Variants in PARD3 observed in about 807,000 individuals in gnomAD.
PARD3 encodes the protein partitioning defective 3 homolog.
In PARD3, 75 loss-of-function variants were observed where a neutral mutation model predicts 155.4. The observed-to-expected ratio is 0.48, with a 90% confidence interval of 0.40 to 0.58. The LOEUF is 0.58. Among genes scored for constraint, PARD3 ranks in the 20% least tolerant of loss-of-function variants. The pLI, the probability that PARD3 is intolerant of heterozygous loss-of-function variation, is 0.00. For missense variants in PARD3, 1,642 were observed against 1,721.7 expected, an observed-to-expected ratio of 0.95 and a Z score of 0.82; for synonymous variants, 576 against 610.5, an observed-to-expected ratio of 0.94 and a Z score of 0.83.
intron 5 of PARD3, among the ~76,000 whole-genome samples, chr10:34,435,533 A>G (rs1465621674): frequency 6.6e-6 from 1 of 152,214 alleles, no homozygotes; most frequent in East Asian, 1.9e-4. Context: ...TGAGACACTA[A>G]TATCTGTTGA....
At chr10:34,752,034 C>T (rs1001539378) in intron 1 of PARD3, among the ~76,000 whole-genome samples, 1 of 151,986 alleles carries the variant, frequency 6.6e-6, no homozygotes, top group Non-Finnish European at 1.5e-5. Flanking sequence ...GTTGGTTGTA[C>T]ATCTAAGACA....
intron 22 of PARD3, among the ~76,000 whole-genome samples, chr10:34,187,877 C>T (rs543715496): frequency 2.6e-4 from 40 of 152,268 alleles, no homozygotes; most frequent in Non-Finnish European, 4.6e-4. Context: ...CTAAGATGAA[C>T]GATATACTAT....
chr10:34,298,224 T>C (rs572791876), intron 20 of PARD3, among the ~76,000 whole-genome samples: 2 of 152,224 alleles, frequency 1.3e-5, no homozygotes, highest in Non-Finnish European at 2.9e-5. Flanking sequence ...TGAGTGGCAC[T>C]TCTGGAAAAG....
intron 22 of PARD3, among the ~76,000 whole-genome samples, chr10:34,202,991 T>C (rs1450883733): frequency 6.6e-6 from 1 of 152,112 alleles, no homozygotes; most frequent in East Asian, 1.9e-4. Context: ...TTCACTGAGG[T>C]CTGCACTTGA....
At chr10:34,605,998 TATATATATATATCTC>T in intron 2 of PARD3, among the ~76,000 whole-genome samples, 1 of 62,474 alleles carries the variant, frequency 1.6e-5, no homozygotes, top group Non-Finnish European at 3.3e-5. Flanking sequence ...ATATATCTCC[TATATATATATATCTC>T]CTATATCTAT....
intron 1 of PARD3, among the ~76,000 whole-genome samples, chr10:34,732,973 A>G (rs972543392): frequency 4.6e-5 from 7 of 152,130 alleles, no homozygotes; most frequent in African/African-American, 1.7e-4. Context: ...GAGCTCCTCT[A>G]TGAAGACTCC....
chr10:34,532,333 G>C (rs569582472), intron 2 of PARD3, among the ~76,000 whole-genome samples: 3 of 152,026 alleles, frequency 2.0e-5, no homozygotes, highest in Admixed American at 6.6e-5. Flanking sequence ...TACTGAAAAA[G>C]ATCCATGCAT....
intron 1 of PARD3, among the ~76,000 whole-genome samples, chr10:34,804,397 T>G (rs1057158397): frequency 1.3e-5 from 2 of 152,194 alleles, no homozygotes; most frequent in Non-Finnish European, 2.9e-5. Context: ...GTGGTAAAGG[T>G]ACCAAATCCT....
chr10:34,795,116 C>G (rs1196114151), intron 1 of PARD3, among the ~76,000 whole-genome samples: 3 of 152,198 alleles, frequency 2.0e-5, no homozygotes, highest in African/African-American at 7.2e-5. Flanking sequence ...TGTCCAGGAG[C>G]CCTGAGCCAC....
At chr10:34,797,218 A>G (rs893347670) in intron 1 of PARD3, among the ~76,000 whole-genome samples, 12 of 152,302 alleles carry the variant, frequency 7.9e-5, no homozygotes, top group African/African-American at 2.9e-4. Flanking sequence ...GGGCACAACC[A>G]TAACTGACTG....
chr10:34,300,269 G>C (rs937340026), intron 20 of PARD3, among the ~76,000 whole-genome samples: 2 of 152,140 alleles, frequency 1.3e-5, no homozygotes, highest in African/African-American at 4.8e-5. Context: ...GGAAAACACA[G>C]TCTGGAAATG....
At chr10:34,650,491 T>C (rs2092974741) in intron 2 of PARD3, among the ~76,000 whole-genome samples, 1 of 152,180 alleles carries the variant, frequency 6.6e-6, no homozygotes, top group South Asian at 2.1e-4. Flanking sequence ...GAATAGGGTG[T>C]GCAGTGAGAC....
intron 2 of PARD3, among the ~76,000 whole-genome samples, chr10:34,609,128 CAA>C (rs758509055): frequency 2.6e-5 from 4 of 152,156 alleles, no homozygotes; most frequent in Non-Finnish European, 5.9e-5. Context: ...ATTTTGGACT[CAA>C]GTCAGTATTT....
chr10:34,580,891 G>A (rs1164622742), intron 2 of PARD3, among the ~76,000 whole-genome samples: 3 of 152,164 alleles, frequency 2.0e-5, no homozygotes, highest in Non-Finnish European at 2.9e-5. Flanking sequence ...AAGATTTTTA[G>A]CTGACTCATA....
chr10:34,480,345 C>T (rs1401535007), intron 3 of PARD3, among the ~76,000 whole-genome samples: 3 of 152,190 alleles, frequency 2.0e-5, no homozygotes, highest in African/African-American at 4.8e-5. Context: ...AGTGCTCCTC[C>T]AGCCTCAGCT....
intron 1 of PARD3, among the ~76,000 whole-genome samples, chr10:34,741,607 G>T (rs1189004348): frequency 6.6e-6 from 1 of 152,212 alleles, no homozygotes; most frequent in African/African-American, 2.4e-5. Context: ...GAGGAGCGCA[G>T]CCATCTACAA....
At chr10:34,206,541 G>T (rs1020959171) in intron 22 of PARD3, among the ~76,000 whole-genome samples, 3 of 152,208 alleles carry the variant, frequency 2.0e-5, no homozygotes, top group Non-Finnish European at 4.4e-5. Flanking sequence ...GTCGGTGATA[G>T]AAGGAAACAG....
chr10:34,625,947 C>T (rs2489654), intron 2 of PARD3, among the ~76,000 whole-genome samples: 53,539 of 151,996 alleles, frequency 0.35, 9,726 homozygotes, highest in South Asian at 0.43. Flanking sequence ...TTCACCAGAG[C>T]CCCATCTTAA....
At chr10:34,366,806 T>A (rs1187876695) in intron 12 of PARD3, among the ~76,000 whole-genome samples, 1 of 152,130 alleles carries the variant, frequency 6.6e-6, no homozygotes, top group Non-Finnish European at 1.5e-5. Context: ...AATAAAAGAA[T>A]AACCCTCCAA....
Sources: gnomAD v4.1 joint callset for allele counts (sites outside exome capture counted in the v4.1 genomes callset) on GRCh38, gnomAD v4.1.1 for gene constraint, MANE v1.5 for transcripts, NCBI Gene and HGNC (gene_info 2026-07-23, HGNC 2026-07-21) for gene names.